Variants in MNT observed in about 807,000 individuals in gnomAD.
MNT encodes the protein MAX network transcriptional repressor, also known as max-binding protein MNT.
MNT carries 13 observed loss-of-function variants against 40.7 expected under a neutral mutation model. The ratio of observed to expected loss-of-function variants is 0.32; its 90% CI spans 0.21 to 0.51. The LOEUF (loss-of-function observed/expected upper bound fraction) is 0.51, where lower values mean the gene tolerates loss of function less well. MNT is among the 20% of genes least tolerant of loss of function. The pLI is 0.98. For missense variants in MNT, 757 were observed against 792.0 expected, an observed-to-expected ratio of 0.96 and a Z score of 0.53; for synonymous variants, 426 against 354.8, an observed-to-expected ratio of 1.20 and a Z score of -2.26.
chr17:2,388,207 G>A lies in MNT; in HGVS notation c.808-158C>T. 10 of 659,106 alleles carry A rather than the reference G, an allele frequency of 1.5e-5. No homozygotes were observed. The South Asian group carries it at 1.8e-4, about 12-fold the overall frequency. The allele number at this position is 659,106 out of a possible 1,614,324, so 40.8% of individuals were successfully genotyped here. On this transcript the variant is annotated intron_variant, in intron 4 of 5. Transcript: ENST00000174618. ...GGCTGCTGGAGACCGCACCTGTTGTGGTCCATGCCCCTGCCCAGTGAGGCC... is the reference window on the plus strand; with the variant it reads ...GGCTGCTGGAGACCGCACCTGTTGTAGTCCATGCCCCTGCCCAGTGAGGCC...
intron 4 of MNT, chr17:2,389,998 G>A (rs924285678): frequency 6.6e-6 from 1 of 151,906 alleles, no homozygotes; most frequent in Non-Finnish European, 1.5e-5. Flanking sequence ...CATCTGCCTG[G>A]GCAGTAAATA....
chr17:2,393,139 A>AC (rs57125154), intron 4 of MNT, among the ~76,000 whole-genome samples: 5,925 of 95,736 alleles, frequency 0.062, 128 homozygotes, highest in Non-Finnish European at 0.076. Flanking sequence ...CTCGCCGCCC[A>AC]CCCCCCCCCC....
In MNT at chr17:2,387,470, C is replaced by A; in HGVS notation, c.1180G>T (p.Ala394Ser). Residue 394 changes from alanine to serine, a missense_variant, in exon 6 of 6, where the codon GCC becomes TCC. Physicochemically the swap from Ala to Ser is moderately conservative, Grantham distance 99 (BLOSUM62 1). Transcript: ENST00000174618. ...PHPHSVALPP[A>S]HLPVQQQQPQ... is the part of the protein sequence containing the mutation. ...TGCTGCTGCTGCACGGGGAGGTGGG[C>A]AGGAGGTAGGGCCACGGAGTGGGGG... The A allele has an allele frequency of 6.2e-7, 1 of 1,610,588 alleles. No individual in the cohort carries two copies. Among genetic ancestry groups the A allele is most frequent in the Non-Finnish European group, 8.5e-7 (1 of 1,178,562 alleles).
Position 2,387,063 on chromosome 17 carries a change from G to A in MNT, c.1587C>T (p.Val529=). 6.4e-7 allele frequency: 1 copy of A among 1,564,098 alleles called. No individual in the cohort carries two copies. The change falls in exon 6 of 6, where the codon GTC becomes GTT. Residue 529 remains valine, a synonymous_variant. Coordinates refer to ENST00000174618, the MANE Select transcript of MNT (RefSeq NM_020310.3). The stretch of plus-strand genomic sequence containing the variant: ...GGGGCCCCAGGCCGGCCGTGCCGTT[G>A]ACTTGCTGGTGCGAGAGGGTGTGGG... ...HIAHTLSHQQ[V]NGTAGLGPPA... is the part of the protein sequence containing the mutation.
intron 4 of MNT, chr17:2,389,261 C>G (rs950218683): frequency 1.3e-5 from 2 of 151,766 alleles, no homozygotes; most frequent in African/African-American, 2.4e-5. Context: ...CCCACTCTCC[C>G]TCAATTTTTT....
At position 2,386,936 on chromosome 17, in the gene MNT, G is replaced by A. The variant is rs1447367332; in HGVS notation, c.1714C>T (p.Pro572Ser). 3 of 1,495,276 alleles carry A rather than the reference G, an allele frequency of 2.0e-6. No individual in the cohort carries two copies. The highest frequency in any genetic ancestry group is 2.7e-6 in the Non-Finnish European group (3 of 1,119,840). The allele number at this position is 1,495,276 out of a possible 1,614,324, so 92.6% of individuals were successfully genotyped here. The change falls in exon 6 of 6, where the codon CCC (proline) becomes TCC (serine). Residue 572 changes from proline to serine, a missense_variant. Around this residue, in one of 4 missense-constraint regions of MNT, gnomAD observed 345 missense variants for 380.1 expected, o/e 0.91. Coordinates refer to ENST00000174618, the MANE Select transcript of MNT (RefSeq NM_020310.3). ...VLNPVTMVTM[P>S]SFPVSTLKLA The stretch of plus-strand genomic sequence containing the variant: ...TTGAGTGTGCTGACTGGGAAGGAGG[G>A]CATGGTGACCATGGTCACAGGGTTG...
intron 4 of MNT, among the ~76,000 whole-genome samples, chr17:2,393,110 T>G (rs1343351171): frequency 1.3e-5 from 2 of 150,508 alleles, no homozygotes; most frequent in Admixed American, 6.6e-5. Flanking sequence ...CCTCAGAGGA[T>G]GGACAGGGAG....
At chr17:2,394,265 G>GCGCGCACACA (rs749122479) in intron 3 of MNT, 40 bp downstream of exon 3, 1 of 1,486,910 alleles carries the variant, frequency 6.7e-7, no homozygotes, top group South Asian at 1.3e-5. Flanking sequence ...GGTCGCGCGC[G>GCGCGCACACA]CACGCACGCA....
At position 2,386,567 on chromosome 17, in the gene MNT, G is replaced by C. The variant is rs1474548672; in HGVS notation, c.*334C>G. On this transcript the variant is annotated 3_prime_UTR_variant, in exon 6 of 6. Transcript: ENST00000174618. ...CACACGAAGGCGGGGCAGGGCGGGG[G>C]AGAAGTCAGGGAGCGTGACGTCCAC... is the stretch of plus-strand genomic sequence containing the variant. The C allele has an allele frequency of 6.9e-6, 2 of 290,016 alleles. No homozygotes were observed. Among genetic ancestry groups the C allele is most frequent in the South Asian group, 1.2e-4 (1 of 8,230 alleles). The allele number at this position is 290,016 out of a possible 1,614,324, so 18.0% of individuals were successfully genotyped here.
rs1447803134 is a variant in MNT at position 2,386,106 on chromosome 17, G to A, written c.*795C>T. 2.0e-5 allele frequency: 3 copies of A among 152,316 alleles called. No homozygotes were observed. Among genetic ancestry groups the A allele is most frequent in the African/African-American group, 7.2e-5 (3 of 41,462 alleles). The allele number at this position is 152,316 out of a possible 1,614,324, so 9.4% of individuals were successfully genotyped here. On this transcript the variant is annotated 3_prime_UTR_variant, in exon 6 of 6. Transcript: ENST00000174618. ...TCCTCCCATCCAGACCCAGGCTGCA[G>A]GGGACGGGGAAGGGGAAGGACAGCC...
intron 4 of MNT, 166 bp from the exon 5 acceptor site, chr17:2,388,215 C>A: frequency 1.6e-6 from 1 of 628,798 alleles, no homozygotes; most frequent in Admixed American, 3.2e-5. Context: ...GTGGTCCATG[C>A]CCCTGCCCAG....
At chr17:2,400,093 C>G (rs12602313) in intron 1 of MNT, among the ~76,000 whole-genome samples, 3 of 152,136 alleles carry the variant, frequency 2.0e-5, no homozygotes, top group Admixed American at 1.3e-4. Flanking sequence ...GAGCGCCCCC[C>G]GCACCCTCCC....
At chr17:2,394,417 AC>A in intron 2 of MNT, 71 bp from the exon 3 acceptor site, 1 of 1,605,290 alleles carries the variant, frequency 6.2e-7, no homozygotes, top group Non-Finnish European at 8.5e-7. Context: ...CAGCGCCGCC[AC>A]CCGCAAAATT....
At position 2,386,832 on chromosome 17, in the gene MNT, G is replaced by A; in HGVS notation, c.*69C>T. ...GGGCCTGGCTGGAATGTGTGGAGCT[G>A]GTGGGTGAGAGAGTGGGGGACAGGT... On this transcript the variant is annotated 3_prime_UTR_variant, in exon 6 of 6. Transcript: ENST00000174618. 1 of 1,402,224 alleles carries A rather than the reference G, an allele frequency of 7.1e-7. No individual in the cohort carries two copies. The highest frequency in any genetic ancestry group is 9.4e-7 in the Non-Finnish European group (1 of 1,065,910). 86.9% of individuals were successfully genotyped at this position (1,402,224 alleles called of 1,614,324 possible). A position where few individuals can be genotyped will look rare whatever the true frequency, so the allele number is the denominator to read the frequency against.
intron 4 of MNT, 154 bp from the exon 5 acceptor site, chr17:2,388,203 T>C (rs1316063123): frequency 1.5e-6 from 1 of 670,794 alleles, no homozygotes; most frequent in Non-Finnish European, 2.5e-6. Context: ...ACCGCACCTG[T>C]TGTGGTCCAT....
rs879040358 is a variant in MNT at position 2,394,273 on chromosome 17, G to GCACACACACACACACACA, written c.695+31_695+32insTGTGTGTGTGTGTGTGTG. The GCACACACACACACACACA allele has an allele frequency of 5.1e-4, 686 of 1,350,954 alleles. 4 individuals are homozygous for GCACACACACACACACACA. In the African/African-American group the frequency reaches 8.5e-3, roughly 17 times the overall value. 83.7% of individuals were successfully genotyped at this position (1,350,954 alleles called of 1,614,324 possible). On this transcript the variant is annotated intron_variant, in intron 3 of 5. Coordinates refer to ENST00000174618, the MANE Select transcript of MNT (RefSeq NM_020310.3). The stretch of plus-strand genomic sequence containing the variant: ...GGGCCCGGGTCGCGCGCGCACGCAC[G>GCACACACACACACACACA]CACGCACACACACACACACACACAC...
chr17:2,398,763 G>C (rs2066593952), intron 1 of MNT, among the ~76,000 whole-genome samples: 1 of 152,178 alleles, frequency 6.6e-6, no homozygotes, highest in South Asian at 2.1e-4. Flanking sequence ...GTCTTCCCCT[G>C]ACCCCTGTGC....
chr17:2,388,152 C>T (rs867125736), intron 4 of MNT, 103 bp from the exon 5 acceptor site: 97 of 1,161,200 alleles, frequency 8.4e-5, no homozygotes, highest in Middle Eastern at 2.1e-4. Flanking sequence ...GAGGCAAGTC[C>T]GTGGCAACCA....
chr17:2,388,594 G>A (rs558444028), intron 4 of MNT, among the ~76,000 whole-genome samples: 3 of 151,984 alleles, frequency 2.0e-5, no homozygotes, highest in East Asian at 1.9e-4. Flanking sequence ...CACTGTGCCC[G>A]CCTGTGACGC....
Sources: gnomAD v4.1 joint callset for allele counts (sites outside exome capture counted in the v4.1 genomes callset) on GRCh38, gnomAD v4.1.1 for gene constraint, gnomAD v4.1.1 regional missense constraint, MANE v1.5 for transcripts, NCBI Gene and HGNC (gene_info 2026-07-23, HGNC 2026-07-21) for gene names.